Variants in STARD9 observed in about 807,000 individuals in gnomAD.
STARD9 encodes stAR-related lipid transfer protein 9.
Under a neutral mutation model 399.8 loss-of-function variants are expected in STARD9, and 346 were observed. The ratio of observed to expected loss-of-function variants is 0.87; its 90% CI spans 0.79 to 0.95. The LOEUF (loss-of-function observed/expected upper bound fraction) is 0.95, where lower values mean the gene tolerates loss of function less well. STARD9 is among the 40% of genes least tolerant of loss of function. The pLI, the probability that STARD9 is intolerant of heterozygous loss-of-function variation, is 0.00. For missense variants in STARD9, 5,832 were observed against 5,667.5 expected, an observed-to-expected ratio of 1.03 and a Z score of -0.93; for synonymous variants, 2,203 against 2,143.5, an observed-to-expected ratio of 1.03 and a Z score of -0.77.
intron 29 of STARD9, 39 bp from the exon 30 acceptor site, chr15:42,717,938 G>T (rs1382865330): frequency 1.3e-6 from 2 of 1,530,076 alleles, no homozygotes; most frequent in Admixed American, 3.9e-5. Context: ...GCCCATTTTT[G>T]ACCCCTTTCT....
At chr15:42,628,086 A>G (rs1265314610) in intron 3 of STARD9, among the ~76,000 whole-genome samples, 1 of 151,794 alleles carries the variant, frequency 6.6e-6, no homozygotes, top group Non-Finnish European at 1.5e-5. Flanking sequence ...CCACATCCTC[A>G]CCAGCATTCA....
At chr15:42,679,953 C>G (rs1424393307) in intron 20 of STARD9, among the ~76,000 whole-genome samples, 1 of 152,050 alleles carries the variant, frequency 6.6e-6, no homozygotes, top group African/African-American at 2.4e-5. Context: ...AGATATAGTT[C>G]CAGCATCAAA....
intron 21 of STARD9, 68 bp from the exon 22 acceptor site, chr15:42,682,036 C>G: frequency 9.3e-7 from 1 of 1,073,120 alleles, no homozygotes; most frequent in South Asian, 1.6e-5. Context: ...CTGGAGGTAT[C>G]TGAGTCCAGG....
At chr15:42,647,546 C>T (rs953374510) in intron 7 of STARD9, among the ~76,000 whole-genome samples, 5 of 152,120 alleles carry the variant, frequency 3.3e-5, no homozygotes, top group African/African-American at 1.2e-4. Context: ...CAGGCATTAA[C>T]GAAACTAGCT....
chr15:42,700,475 A>G (rs2060942525), intron 26 of STARD9, among the ~76,000 whole-genome samples: 1 of 152,190 alleles, frequency 6.6e-6, no homozygotes, highest in Non-Finnish European at 1.5e-5. Flanking sequence ...AGTCATTTAG[A>G]TGGAGCGAAG....
chr15:42,637,558 A>G (rs929718260), intron 4 of STARD9, among the ~76,000 whole-genome samples: 3 of 152,124 alleles, frequency 2.0e-5, no homozygotes, highest in Non-Finnish European at 4.4e-5. Flanking sequence ...TCCGCCTGTA[A>G]GGACTGGAGG....
At chr15:42,577,715 A>G (rs1279684773) in intron 1 of STARD9, among the ~76,000 whole-genome samples, 1 of 152,226 alleles carries the variant, frequency 6.6e-6, no homozygotes, top group Non-Finnish European at 1.5e-5. Flanking sequence ...GCCCCAGCCA[A>G]GAGGTCCGGA....
chr15:42,669,354 A>G lies in STARD9; in HGVS notation c.1497+17A>G, dbSNP rs1349810701. The G allele has an allele frequency of 2.7e-6, 4 of 1,498,338 alleles. No homozygotes were observed. The South Asian group carries it at 4.9e-5, about 18-fold the overall frequency. 92.8% of individuals were successfully genotyped at this position (1,498,338 alleles called of 1,614,324 possible). On this transcript the variant is annotated intron_variant, in intron 16 of 32. Transcript: ENST00000290607. ...CATCTCAAGGTGAGGAGGCTAGTGT[A>G]TCCTTTTCTTCCTAAGCCACTGGTT...
intron 7 of STARD9, 79 bp from the exon 8 acceptor site, chr15:42,650,937 G>T: frequency 1.0e-6 from 1 of 993,170 alleles, no homozygotes; most frequent in Non-Finnish European, 1.5e-6. Flanking sequence ...AAATAGGAAT[G>T]ATAAAGACTT....
chr15:42,712,928 T>A (rs891691217), intron 26 of STARD9, among the ~76,000 whole-genome samples: 4 of 152,250 alleles, frequency 2.6e-5, no homozygotes, highest in Non-Finnish European at 4.4e-5. Context: ...CTTTGACTAT[T>A]CTGGGTTTCT....
intron 3 of STARD9, among the ~76,000 whole-genome samples, chr15:42,606,628 G>GT (rs2058728791): frequency 1.4e-5 from 2 of 144,240 alleles, no homozygotes; most frequent in Non-Finnish European, 3.1e-5. Flanking sequence ...GCTAATTTTT[G>GT]TATTTTTTTT....
chr15:42,605,937 C>T (rs1211368137), intron 3 of STARD9, among the ~76,000 whole-genome samples: 3 of 152,126 alleles, frequency 2.0e-5, no homozygotes, highest in Non-Finnish European at 2.9e-5. Context: ...CCTTTTCTCC[C>T]GCATCAGAGA....
chr15:42,593,820 C>T (rs914811545), intron 3 of STARD9, among the ~76,000 whole-genome samples: 10 of 151,510 alleles, frequency 6.6e-5, no homozygotes, highest in East Asian at 1.9e-4. Flanking sequence ...CCCGCCACCA[C>T]GCCCGGCTAA....
chr15:42,586,241 G>C (rs1361285224), intron 3 of STARD9, among the ~76,000 whole-genome samples: 1 of 152,230 alleles, frequency 6.6e-6, no homozygotes, highest in Non-Finnish European at 1.5e-5. Flanking sequence ...CCTTAGGCTT[G>C]TACTTGTCCT....
At chr15:42,587,399 T>C (rs1453503193) in intron 3 of STARD9, among the ~76,000 whole-genome samples, 1 of 152,122 alleles carries the variant, frequency 6.6e-6, no homozygotes, top group Non-Finnish European at 1.5e-5. Context: ...GCCTCTTCTG[T>C]TATATAAGCA....
intron 3 of STARD9, among the ~76,000 whole-genome samples, chr15:42,603,131 A>G (rs942749266): frequency 2.6e-5 from 4 of 152,134 alleles, no homozygotes; most frequent in African/African-American, 4.8e-5. Flanking sequence ...ATTTACATAT[A>G]TTTACACAAG....
chr15:42,665,918 G>A (rs1444694487), intron 15 of STARD9, 70 bp downstream of exon 15: 1 of 1,314,892 alleles, frequency 7.6e-7, no homozygotes, highest in East Asian at 2.5e-5. Context: ...CCGGAGCTAG[G>A]TAGGGTTGCT....
chr15:42,607,814 G>A (rs766151362), intron 3 of STARD9, among the ~76,000 whole-genome samples: 1 of 152,058 alleles, frequency 6.6e-6, no homozygotes, highest in Non-Finnish European at 1.5e-5. Context: ...CTTCCACATA[G>A]AAGTACTTAC....
At chr15:42,717,897 C>G in intron 29 of STARD9, 80 bp from the exon 30 acceptor site, 1 of 1,500,964 alleles carries the variant, frequency 6.7e-7, no homozygotes, top group Non-Finnish European at 9.0e-7. Flanking sequence ...CTCAAGTCTT[C>G]ACTCTGAGCC....
Sources: allele counts gnomAD v4.1 joint callset (sites outside exome capture counted in the v4.1 genomes callset), GRCh38; gene constraint gnomAD v4.1.1; transcripts MANE v1.5; gene names NCBI Gene and HGNC (gene_info 2026-07-23, HGNC 2026-07-21).